USB1: variants seen among roughly 807,000 people sequenced by gnomAD.
USB1 encodes U6 snRNA biogenesis phosphodiesterase 1.
A neutral mutation model predicts 29.9 loss-of-function variants in USB1; 21 were observed. The observed-to-expected ratio is 0.70, with a 90% confidence interval of 0.50 to 1.01. The LOEUF is 1.01. USB1 is among the 50% of genes least tolerant of loss of function. The pLI, the probability that USB1 is intolerant of heterozygous loss-of-function variation, is 0.00. For missense variants in USB1, 330 were observed against 347.1 expected (o/e 0.95, Z 0.39); for synonymous variants, 143 against 134.9 (o/e 1.06, Z -0.42).
Position 58,009,964 on chromosome 16 carries a change from G to A in USB1, c.301G>A (p.Val101Met). Residue 101 changes from valine (V) to methionine (M), a missense_variant, in exon 3 of 7, where the codon GTG (valine) becomes ATG (methionine). Transcript: ENST00000219281. ...AKEEFLDLLD[V>M]LLPHAQTYVP... Reference sequence around the variant, plus strand: ...GGAGGAGTTCCTGGATCTGCTTGATGTGTTGCTGCCCCATGCCCAGACATA... The same window carrying A: ...GGAGGAGTTCCTGGATCTGCTTGATATGTTGCTGCCCCATGCCCAGACATA... The A allele has an allele frequency of 5.6e-6, 9 of 1,613,956 alleles. No individual in the cohort carries two copies. Among genetic ancestry groups the A allele is most frequent in the African/African-American group, 1.3e-5 (1 of 74,972 alleles).
Position 58,010,093 on chromosome 16 carries a change from C to T in USB1, c.430C>T (p.Arg144Cys), listed in dbSNP as rs774644058. The T allele has an allele frequency of 4.1e-5, 66 of 1,614,030 alleles. No homozygotes were observed. Among genetic ancestry groups the T allele is most frequent in the African/African-American group, 4.0e-5 (3 of 74,926 alleles). ...ILPFVQALKARMTSFHRFFFT... is the reference protein window; with the variant it reads ...ILPFVQALKACMTSFHRFFFT... ...CCCCTTCGTGCAGGCTCTGAAAGCC[C>T]GTATGACCTCCTTCCACAGGTGAGT... is the stretch of plus-strand genomic sequence containing the variant. Residue 144 changes from arginine to cysteine, a missense_variant, in exon 3 of 7, where the codon CGT becomes TGT. By Grantham distance (180) the Arg-to-Cys change is radical. Transcript: ENST00000219281.
chr16:58,016,849 AGTTTCACTG>A, intron 4 of USB1: 2 of 182,156 alleles, frequency 1.1e-5, no homozygotes, highest in Non-Finnish European at 1.2e-5. Flanking sequence ...CTTTTTGAGA[AGTTTCACTG>A]AGAATGGGAT....
chr16:58,011,782 G>T (rs1963502538), intron 3 of USB1: 1 of 988,300 alleles, frequency 1.0e-6, no homozygotes, highest in Non-Finnish European at 1.2e-6. Context: ...CATTCCTCCA[G>T]GCCAGGACTG....
intron 5 of USB1, among the ~76,000 whole-genome samples, 179 bp downstream of exon 5, chr16:58,017,618 A>T (rs576060617): frequency 1.3e-5 from 2 of 152,362 alleles, no homozygotes; most frequent in Admixed American, 1.3e-4. Flanking sequence ...AGGTGTAGTC[A>T]GATGCAGCCC....
chr16:58,005,929 G>A (rs1567418015), intron 2 of USB1, among the ~76,000 whole-genome samples: 2 of 152,172 alleles, frequency 1.3e-5, no homozygotes, highest in African/African-American at 4.8e-5. Flanking sequence ...GTATAGGAAA[G>A]CAAATATACA....
Position 58,020,322 on chromosome 16 carries a change from T to G in USB1, c.*77T>G. 7.0e-7 allele frequency: 1 copy of G among 1,429,116 alleles called. No homozygotes were observed. Among genetic ancestry groups the G allele is most frequent in the Non-Finnish European group, 9.8e-7 (1 of 1,022,068 alleles). 88.5% of individuals were successfully genotyped at this position (1,429,116 alleles called of 1,614,324 possible). On this transcript the variant is annotated 3_prime_UTR_variant, in exon 7 of 7. Coordinates refer to ENST00000219281, the MANE Select transcript of USB1 (RefSeq NM_024598.4). The stretch of plus-strand genomic sequence containing the variant: ...AGGAACCTGCTAAAATCGATGGAGA[T>G]GCTTCTAGCCTCCCAGTAGGAGGCC...
Position 58,020,586 on chromosome 16 carries a change from T to G in USB1, c.*341T>G. On this transcript the variant is annotated 3_prime_UTR_variant, in exon 7 of 7. Coordinates refer to ENST00000219281, the MANE Select transcript of USB1 (RefSeq NM_024598.4). ...CCTCTCTTCCTCTCCTCTCTCTTCC[T>G]CTCCTCTCTCTACCCCTCCTGTCTC... 2.8e-6 allele frequency: 1 copy of G among 358,336 alleles called. No homozygotes were observed. The highest frequency in any genetic ancestry group is 5.3e-6 in the Non-Finnish European group (1 of 189,342). The allele number at this position is 358,336 out of a possible 1,614,324, so 22.2% of individuals were successfully genotyped here.
Position 58,020,283 on chromosome 16 carries a change from C to T in USB1, c.*38C>T. On this transcript the variant is annotated 3_prime_UTR_variant, in exon 7 of 7. Transcript: ENST00000219281. The stretch of plus-strand genomic sequence containing the variant: ...TTCCTCCTCCAGGGCCCTCTGCAGA[C>T]CAGGCTGAGATGGAGGAACCTGCTA... 2 of 1,596,788 alleles carry T rather than the reference C, an allele frequency of 1.3e-6. No individual in the cohort carries two copies. Among genetic ancestry groups the T allele is most frequent in the Non-Finnish European group, 8.6e-7 (1 of 1,164,592 alleles).
intron 1 of USB1, 26 bp downstream of exon 1, chr16:58,001,607 A>G (rs763219601): frequency 1.3e-6 from 2 of 1,583,920 alleles, no homozygotes; most frequent in Non-Finnish European, 1.7e-6. Context: ...GTCTCTCCGG[A>G]GGGCGCGCGC....
At chr16:58,002,799 C>T in intron 2 of USB1, 154 bp downstream of exon 2, 1 of 1,128,406 alleles carries the variant, frequency 8.9e-7, no homozygotes, top group Non-Finnish European at 1.3e-6. Flanking sequence ...GAGCAGGTTT[C>T]AAGAACTGGG....
intron 4 of USB1, chr16:58,015,072 C>G (rs1963584242): frequency 6.7e-6 from 1 of 150,098 alleles, no homozygotes; most frequent in Non-Finnish European, 1.5e-5. Flanking sequence ...GAGTGAAACT[C>G]TGTCTCAAAA....
At chr16:58,000,316 G>A (rs1173260454), upstream of USB1, 2 of 151,710 alleles carry the variant, frequency 1.3e-5, no homozygotes, top group African/African-American at 4.8e-5. This position sits in a 1 kb window ranked among gnomAD's most constrained non-coding sequence, Gnocchi z 4.5. Context: ...GAGGGGCGCG[G>A]GGGGGCGGCC....
intron 4 of USB1, 22 bp downstream of exon 4, chr16:58,014,348 T>TCACC (rs746112559): frequency 6.2e-7 from 1 of 1,602,858 alleles, no homozygotes; most frequent in South Asian, 1.1e-5. Context: ...CAACCCCCAA[T>TCACC]CACCATCAGA....
intron 4 of USB1, 114 bp from the exon 5 acceptor site, chr16:58,017,219 CG>C: frequency 1.2e-6 from 1 of 869,094 alleles, no homozygotes; most frequent in South Asian, 1.3e-5. Flanking sequence ...ACCAGGGAGA[CG>C]GTGAGACCCA....
At chr16:58,000,992 C>T (rs776977281), upstream of USB1, among the ~76,000 whole-genome samples, 8 of 152,134 alleles carry the variant, frequency 5.3e-5, no homozygotes, top group Non-Finnish European at 1.2e-4. The surrounding 1 kb of genome is among the most constrained non-coding windows in gnomAD (Gnocchi z 4.5). Flanking sequence ...TCTGGTCTGC[C>T]ACAATTGATC....
At chr16:58,007,213 G>C (rs1027723325) in intron 2 of USB1, among the ~76,000 whole-genome samples, 1 of 152,188 alleles carries the variant, frequency 6.6e-6, no homozygotes, top group Admixed American at 6.5e-5. Flanking sequence ...TGAGGATAAT[G>C]CTGGCCTCAT....
At chr16:58,009,515 C>T (rs910989272) in intron 2 of USB1, among the ~76,000 whole-genome samples, 3 of 151,754 alleles carry the variant, frequency 2.0e-5, no homozygotes, top group South Asian at 2.1e-4. Flanking sequence ...GTCAGGAGAT[C>T]GAGACCATCC....
chr16:58,013,556 G>C lies in USB1; in HGVS notation c.450-717G>C. The C allele has an allele frequency of 2.1e-6, 2 of 957,296 alleles. No homozygotes were observed. Among genetic ancestry groups the C allele is most frequent in the Middle Eastern group, 5.7e-4 (1 of 1,760 alleles). The allele number at this position is 957,296 out of a possible 1,614,324, so 59.3% of individuals were successfully genotyped here. ...AAGGACAGAACCAGTCCAAGTCAAA[G>C]CACTTACCTAGCTGAGCCTGACTCT... On this transcript the variant is annotated intron_variant, in intron 3 of 6. Coordinates refer to ENST00000219281, the MANE Select transcript of USB1 (RefSeq NM_024598.4). The surrounding 1 kb of genome is among the most constrained non-coding windows in gnomAD (Gnocchi z 4.3).
chr16:58,017,050 G>A (rs1167005222), intron 4 of USB1: 1 of 450,422 alleles, frequency 2.2e-6, no homozygotes, highest in Non-Finnish European at 4.1e-6. Context: ...AAGCTTCTGG[G>A]TTTGTGACTT....
Sources: allele counts gnomAD v4.1 joint callset (sites outside exome capture counted in the v4.1 genomes callset), GRCh38; gene constraint gnomAD v4.1.1; non-coding constraint Gnocchi (gnomAD v3.1); transcripts MANE v1.5; gene names NCBI Gene and HGNC (gene_info 2026-07-23, HGNC 2026-07-21).